ABLIM3: variants seen among roughly 807,000 people sequenced by gnomAD.
ABLIM3 encodes the protein actin-binding LIM protein 3.
Under a neutral mutation model 109.5 loss-of-function variants are expected in ABLIM3, and 61 were observed. The observed-to-expected ratio is 0.56, with a 90% CI of 0.45 to 0.69. ABLIM3 has a LOEUF of 0.69. ABLIM3 is among the 30% of genes least tolerant of loss of function. The pLI is 0.00. For missense variants in ABLIM3, 796 were observed against 889.5 expected (o/e 0.89, Z 1.34); for synonymous variants, 300 against 324.8 (o/e 0.92, Z 0.82).
At chr5:149,176,778 C>A (rs1265509381) in intron 2 of ABLIM3, among the ~76,000 whole-genome samples, 4 of 152,098 alleles carry the variant, frequency 2.6e-5, no homozygotes, top group African/African-American at 9.7e-5. Flanking sequence ...ACTTCCAAAC[C>A]CTCTCCTATA....
chr5:149,173,851 C>T (rs543870630), intron 2 of ABLIM3, among the ~76,000 whole-genome samples: 1 of 152,108 alleles, frequency 6.6e-6, no homozygotes, highest in African/African-American at 2.4e-5. Flanking sequence ...GAAACCCCGT[C>T]TCTAATAAAA....
intron 20 of ABLIM3, 119 bp from the exon 21 acceptor site, chr5:149,251,240 G>T: frequency 1.9e-6 from 2 of 1,046,124 alleles, no homozygotes; most frequent in South Asian, 2.8e-5. Flanking sequence ...TGAGACAGAG[G>T]CTGCTGAGAA....
At position 149,258,590 on chromosome 5, in the gene ABLIM3, G is replaced by A. The variant is rs146728614; in HGVS notation, c.*186G>A. On this transcript the variant is annotated 3_prime_UTR_variant, in exon 24 of 24. Transcript: ENST00000309868. ...ATGCTCCTTACTTTCTCTTTTCTAA[G>A]TGCTGTGGGATCTGGGAAGGGATTT... 184 of 1,357,464 alleles carry A rather than the reference G, an allele frequency of 1.4e-4. No individual in the cohort carries two copies. The African/African-American group carries it at 2.5e-3, about 18-fold the overall frequency. 84.1% of individuals were successfully genotyped at this position (1,357,464 alleles called of 1,614,324 possible). A position where few individuals can be genotyped will look rare whatever the true frequency, so the allele number is the denominator to read the frequency against.
At chr5:149,158,289 G>A (rs916008086) in intron 2 of ABLIM3, among the ~76,000 whole-genome samples, 1 of 152,146 alleles carries the variant, frequency 6.6e-6, no homozygotes, top group African/African-American at 2.4e-5. Flanking sequence ...AATTATTGCT[G>A]GAGCTTACAA....
intron 3 of ABLIM3, among the ~76,000 whole-genome samples, chr5:149,193,059 A>C (rs1757644460): frequency 6.6e-6 from 1 of 152,192 alleles, no homozygotes; most frequent in Non-Finnish European, 1.5e-5. Context: ...CAATGTATGA[A>C]CCTTGATAGA....
chr5:149,211,167 T>A (rs1011321130), intron 7 of ABLIM3, among the ~76,000 whole-genome samples: 6 of 151,792 alleles, frequency 4.0e-5, no homozygotes, highest in South Asian at 2.1e-4. Flanking sequence ...TATTTATTTA[T>A]TTAATTATTT....
At chr5:149,241,640 T>C (rs1443963479) in intron 14 of ABLIM3, among the ~76,000 whole-genome samples, 3 of 152,196 alleles carry the variant, frequency 2.0e-5, no homozygotes, top group African/African-American at 7.2e-5. Flanking sequence ...GTACCTGTAA[T>C]TCCAGCTACT....
At chr5:149,222,195 T>C (rs1034456792) in intron 8 of ABLIM3, among the ~76,000 whole-genome samples, 2 of 151,896 alleles carry the variant, frequency 1.3e-5, no homozygotes, top group African/African-American at 2.4e-5. Flanking sequence ...TTTGAGCATT[T>C]ACTATGTGCC....
chr5:149,143,003 C>T (rs761762224), intron 2 of ABLIM3, among the ~76,000 whole-genome samples: 3 of 152,056 alleles, frequency 2.0e-5, no homozygotes, highest in Non-Finnish European at 4.4e-5. Context: ...GGGTCTATGA[C>T]TTTGTTATCA....
At position 149,173,748 on chromosome 5, in the gene ABLIM3, G is replaced by A. The variant is rs946021429; in HGVS notation, c.14-9704G>A. Among the ~76,000 whole-genome samples, 6 of 152,280 alleles carry A rather than the reference G, an allele frequency of 3.9e-5. No homozygotes were observed. In the South Asian group the frequency reaches 6.2e-4, roughly 16 times the overall value. On this transcript the variant is annotated intron_variant, in intron 2 of 23. Transcript: ENST00000309868. ...AAACAAGAAGTAGGAACCGCCGGGC[G>A]CGGTGGCTCACGCCTGTAATCCCAG... is the stretch of plus-strand genomic sequence containing the variant.
chr5:149,173,928 A>C (rs1755680735), intron 2 of ABLIM3, among the ~76,000 whole-genome samples: 1 of 149,858 alleles, frequency 6.7e-6, no homozygotes, highest in Non-Finnish European at 1.5e-5. Context: ...AGGCTGAGGC[A>C]GGAGAATGGC....
At position 149,188,864 on chromosome 5, in the gene ABLIM3, A is replaced by G. The variant is rs79361805; in HGVS notation, c.151+5275A>G. Among the ~76,000 whole-genome samples, 1,829 of 152,306 alleles carry G rather than the reference A, an allele frequency of 0.012. 86 individuals carry two copies. In the East Asian group the frequency reaches 0.15, roughly 13 times the overall value. On this transcript the variant is annotated intron_variant, in intron 3 of 23. Transcript: ENST00000309868. ...CTTCTTTGCCAAAATTGATGGTCTG[A>G]TCCTAAAATTCATATGGAATTTCAA...
intron 2 of ABLIM3, among the ~76,000 whole-genome samples, chr5:149,163,303 G>A (rs1435381268): frequency 1.3e-5 from 2 of 152,152 alleles, no homozygotes; most frequent in Non-Finnish European, 1.5e-5. Flanking sequence ...TGGGAAGATA[G>A]GGCAGGGCAC....
At chr5:149,254,209 G>A (rs541111078) in intron 23 of ABLIM3, among the ~76,000 whole-genome samples, 1 of 152,182 alleles carries the variant, frequency 6.6e-6, no homozygotes, top group South Asian at 2.1e-4. Flanking sequence ...CATCTCACCA[G>A]CCTCCTTGCT....
At chr5:149,153,266 C>A (rs17708733) in intron 2 of ABLIM3, among the ~76,000 whole-genome samples, 3,882 of 152,326 alleles carry the variant, frequency 0.025, 81 homozygotes, top group Non-Finnish European at 0.04. Flanking sequence ...TCTACCCAGT[C>A]ATAAGTCAGT....
chr5:149,247,978 G>T, intron 18 of ABLIM3, 49 bp downstream of exon 18: 3 of 1,586,118 alleles, frequency 1.9e-6, no homozygotes, highest in Non-Finnish European at 8.6e-7. Flanking sequence ...CTTTCTCTGT[G>T]ACTAGCTGGC....
At chr5:149,217,078 C>T (rs371813232) in intron 8 of ABLIM3, 32 bp downstream of exon 8, 12 of 1,582,694 alleles carry the variant, frequency 7.6e-6, no homozygotes, top group Admixed American at 3.3e-5. Flanking sequence ...TAAGGCCTTC[C>T]GACCTGCTCA....
chr5:149,240,378 T>TG (rs879347456), intron 13 of ABLIM3: 58 of 471,050 alleles, frequency 1.2e-4, no homozygotes, highest in Non-Finnish European at 2.0e-4. Context: ...CAAGGATGGT[T>TG]GGGGAGATAA....
intron 2 of ABLIM3, among the ~76,000 whole-genome samples, chr5:149,150,708 C>T (rs1235107165): frequency 1.3e-5 from 2 of 152,220 alleles, no homozygotes; most frequent in Non-Finnish European, 2.9e-5. Flanking sequence ...CAGAAAACAA[C>T]CAGAAGTATC....
Sources: allele counts gnomAD v4.1 joint callset (sites outside exome capture counted in the v4.1 genomes callset), GRCh38; gene constraint gnomAD v4.1.1; transcripts MANE v1.5; gene names NCBI Gene and HGNC (gene_info 2026-07-23, HGNC 2026-07-21).